The following CFAP36 variants were observed in gnomAD, a reference collection of about 807,000 sequenced individuals.
CFAP36 encodes the protein cilia- and flagella-associated protein 36.
Under a neutral mutation model 50.5 loss-of-function variants are expected in CFAP36, and 37 were observed. That is an observed-to-expected ratio of 0.73 (90% CI 0.56 to 0.96). The LOEUF (loss-of-function observed/expected upper bound fraction) is 0.96. Ranked by LOEUF, CFAP36 falls within the 50% of genes least tolerant of loss-of-function variation. The pLI, the probability that CFAP36 is intolerant of heterozygous loss-of-function variation, is 0.00. For synonymous variants in CFAP36, 138 were observed against 128.2 expected, an observed-to-expected ratio of 1.08 and a Z score of -0.52; for missense variants, 407 against 396.2, an observed-to-expected ratio of 1.03 and a Z score of -0.23.
chr2:55,537,112 C>T (rs1684509147), intron 6 of CFAP36, among the ~76,000 whole-genome samples: 1 of 152,168 alleles, frequency 6.6e-6, no homozygotes, highest in South Asian at 2.1e-4. Context: ...CGTGGTGGCT[C>T]ACTCCTGTAA....
intron 9 of CFAP36, 109 bp downstream of exon 9, chr2:55,544,478 T>C (rs1332869000): frequency 9.6e-6 from 10 of 1,043,596 alleles, no homozygotes; most frequent in Non-Finnish European, 9.7e-6. Context: ...GACCCATTCA[T>C]ATTAATCACC....
At chr2:55,520,318 G>T (rs958761720) in intron 1 of CFAP36, 6 of 1,202,850 alleles carry the variant, frequency 5.0e-6, no homozygotes, top group Non-Finnish European at 6.8e-6. Context: ...AGAAGCGTCG[G>T]TTTACCTGAG....
rs568805012 is a variant in CFAP36, at chr2:55,536,322, G to A, written c.537+559G>A. 4.6e-5 allele frequency among the ~76,000 whole-genome samples: 7 copies of A among 151,768 alleles called. No individual in the cohort carries two copies. The South Asian group carries it at 1.0e-3, about 23-fold the overall frequency. On this transcript the variant is annotated intron_variant, in intron 6 of 9. Coordinates refer to ENST00000349456, the MANE Select transcript of CFAP36 (RefSeq NM_080667.7). ...TAATTTTTGTATTTTTAGTAGAGAC[G>A]GGGTTTCACCACGTTGATCAGGCTG...
At chr2:55,530,658 G>GTCC (rs1279125510) in intron 4 of CFAP36, among the ~76,000 whole-genome samples, 1 of 152,202 alleles carries the variant, frequency 6.6e-6, no homozygotes, top group Non-Finnish European at 1.5e-5. Flanking sequence ...AAACAGCCGA[G>GTCC]TTTCTAACCA....
chr2:55,543,312 T>A (rs1464522315), intron 7 of CFAP36, among the ~76,000 whole-genome samples: 1 of 152,192 alleles, frequency 6.6e-6, no homozygotes, highest in East Asian at 1.9e-4. Context: ...CTCTCTTGGT[T>A]GGCACAGTCA....
At chr2:55,544,167 CT>C in intron 8 of CFAP36, 52 bp from the exon 9 acceptor site, 1 of 1,608,760 alleles carries the variant, frequency 6.2e-7, no homozygotes, top group African/African-American at 1.3e-5. Flanking sequence ...GGCATCTGTG[CT>C]ACTTACTAAA....
intron 7 of CFAP36, among the ~76,000 whole-genome samples, chr2:55,540,915 A>C (rs190067440): frequency 2.4e-3 from 373 of 152,304 alleles, no homozygotes; most frequent in African/African-American, 8.8e-3. Flanking sequence ...AGGGAGGCTG[A>C]GGCAGGAGAA....
intron 7 of CFAP36, among the ~76,000 whole-genome samples, chr2:55,543,064 AT>A (rs11419832): frequency 6.8e-5 from 10 of 147,038 alleles, no homozygotes; most frequent in East Asian, 4.0e-4. Flanking sequence ...CTGGCAAGGT[AT>A]TTTTTTTTTT....
chr2:55,519,832 T>A lies in CFAP36; in HGVS notation c.31T>A (p.Trp11Arg). The change falls in exon 1 of 10, where the codon TGG (tryptophan) becomes AGG (arginine). Residue 11 changes from tryptophan to arginine, a missense_variant. Trp to Arg is a moderately radical substitution (Grantham distance 101). Transcript: ENST00000349456. ...TGCGGAAGAAGAAGACGAGGTGGAG[T>A]GGGTAGTGGAGAGCATCGCGGGGTT... The part of the protein sequence containing the change: MAAEEEDEVE[W>R]VVESIAGFLR... 1 of 1,614,002 alleles carries A rather than the reference T, an allele frequency of 6.2e-7. No homozygotes were observed. Among genetic ancestry groups the A allele is most frequent in the South Asian group, 1.1e-5 (1 of 91,078 alleles).
intron 6 of CFAP36, among the ~76,000 whole-genome samples, chr2:55,536,501 A>G (rs1000587944): frequency 2.0e-5 from 3 of 151,852 alleles, no homozygotes; most frequent in Admixed American, 6.6e-5. Flanking sequence ...CCTGGGCTGG[A>G]GTGCAGTGGC....
In CFAP36 at chr2:55,519,862, C is replaced by G; in HGVS notation, c.61C>G (p.Arg21Gly). 1 of 1,614,224 alleles carries G rather than the reference C, an allele frequency of 6.2e-7. No individual in the cohort carries two copies. ...WVVESIAGFLRGPDWSIPILD... is the reference protein window; with the variant it reads ...WVVESIAGFLGGPDWSIPILD... ...AGTGGAGAGCATCGCGGGGTTCCTGCGAGGCCCAGACTGGTCCATCCCCAT... is the reference window on the plus strand; with the variant it reads ...AGTGGAGAGCATCGCGGGGTTCCTGGGAGGCCCAGACTGGTCCATCCCCAT... The change falls in exon 1 of 10, where the codon CGA becomes GGA. Residue 21 changes from arginine (R) to glycine (G), a missense_variant. Arg to Gly is a moderately radical substitution (Grantham distance 125). Coordinates refer to ENST00000349456, the MANE Select transcript of CFAP36 (RefSeq NM_080667.7).
chr2:55,519,976 G>C (rs1684013794), intron 1 of CFAP36, 60 bp downstream of exon 1: 1 of 1,518,172 alleles, frequency 6.6e-7, no homozygotes, highest in South Asian at 1.1e-5. Flanking sequence ...GCGGCGGGCA[G>C]GGGGTTGGTA....
At position 55,537,508 on chromosome 2, in the gene CFAP36, C is replaced by T. The variant is rs1241425451; in HGVS notation, c.563C>T (p.Pro188Leu). 1 of 1,612,252 alleles carries T rather than the reference C, an allele frequency of 6.2e-7. No individual in the cohort carries two copies. The highest frequency in any genetic ancestry group is 8.5e-7 in the Non-Finnish European group (1 of 1,179,212). ...KQLSEAKTEE[P>L]TVHSSEAAIM... ...TTATCAGAGGCTAAAACAGAAGAGC[C>T]CACAGTGCATTCCAGTGAAGCTGCA... is the stretch of plus-strand genomic sequence containing the variant. Residue 188 changes from proline to leucine, a missense_variant, in exon 7 of 10, where the codon CCC becomes CTC. Physicochemically the swap from Pro to Leu is moderately conservative, Grantham distance 98. Transcript: ENST00000349456.
intron 4 of CFAP36, among the ~76,000 whole-genome samples, chr2:55,533,118 A>G (rs565753970): frequency 3.0e-4 from 46 of 152,346 alleles, no homozygotes; most frequent in African/African-American, 1.1e-3. Flanking sequence ...AATATAAATG[A>G]AGACTTTTAA....
chr2:55,544,616 T>C (rs1415774680), intron 9 of CFAP36, among the ~76,000 whole-genome samples: 1 of 152,212 alleles, frequency 6.6e-6, no homozygotes, highest in Non-Finnish European at 1.5e-5. Flanking sequence ...TGCCCTTCTC[T>C]GAGTATGTCA....
chr2:55,532,942 TGGGC>T (rs1481946120), intron 4 of CFAP36, among the ~76,000 whole-genome samples: 17 of 152,276 alleles, frequency 1.1e-4, no homozygotes, highest in African/African-American at 3.9e-4. Context: ...TTTATTTTCT[TGGGC>T]TCAAGTTGCT....
chr2:55,520,451 G>A (rs1439428264), intron 1 of CFAP36: 4 of 1,548,244 alleles, frequency 2.6e-6, no homozygotes, highest in South Asian at 2.4e-5. Context: ...GCCCAGAGCC[G>A]GTGATTTTGG....
intron 1 of CFAP36, among the ~76,000 whole-genome samples, chr2:55,520,657 C>T (rs1684038430): frequency 6.6e-6 from 1 of 152,118 alleles, no homozygotes; most frequent in Non-Finnish European, 1.5e-5. Context: ...CTATTTGCAG[C>T]CCATTCGCAG....
intron 4 of CFAP36, among the ~76,000 whole-genome samples, chr2:55,532,718 A>G (rs1023144035): frequency 6.6e-6 from 1 of 152,286 alleles, no homozygotes; most frequent in Non-Finnish European, 1.5e-5. Flanking sequence ...TATAAACATC[A>G]GGAGGATTAG....
Sources: gnomAD v4.1 joint callset for allele counts (sites outside exome capture counted in the v4.1 genomes callset) on GRCh38, gnomAD v4.1.1 for gene constraint, MANE v1.5 for transcripts, NCBI Gene and HGNC (gene_info 2026-07-23, HGNC 2026-07-21) for gene names.